The following PIGU variants were observed in gnomAD, a reference collection of about 807,000 sequenced individuals.
PIGU encodes GPI-anchor transamidase component PIGU.
PIGU carries 24 observed loss-of-function variants against 49.9 expected under a neutral mutation model. The observed-to-expected ratio is 0.48, with a 90% CI of 0.35 to 0.68. The LOEUF (loss-of-function observed/expected upper bound fraction) is 0.68, where lower values mean the gene tolerates loss of function less well. Ranked by LOEUF, PIGU falls within the 30% of genes least tolerant of loss-of-function variation. The pLI, the probability that PIGU is intolerant of heterozygous loss-of-function variation, is 0.01. For missense variants in PIGU, 490 were observed against 532.6 expected, an observed-to-expected ratio of 0.92 and a Z score of 0.79; for synonymous variants, 220 against 205.7, an observed-to-expected ratio of 1.07 and a Z score of -0.59.
At chr20:34,658,294 G>A (rs1986780967) in intron 1 of PIGU, among the ~76,000 whole-genome samples, 1 of 152,242 alleles carries the variant, frequency 6.6e-6, no homozygotes. Context: ...TTCACTCAGT[G>A]CTCAGTGGTG....
chr20:34,615,468 T>C (rs8120660), intron 7 of PIGU, among the ~76,000 whole-genome samples: 2 of 152,248 alleles, frequency 1.3e-5, no homozygotes, highest in South Asian at 2.1e-4. Context: ...TTTGCAAATA[T>C]GTAAAATAAA....
At chr20:34,569,888 C>T (rs760737583) in intron 11 of PIGU, among the ~76,000 whole-genome samples, 11 of 152,230 alleles carry the variant, frequency 7.2e-5, no homozygotes, top group Non-Finnish European at 1.2e-4. Flanking sequence ...ATGGAACCCA[C>T]AGTCTACTAA....
In PIGU at chr20:34,585,499, G is replaced by C; in HGVS notation, c.864C>G (p.Phe288Leu). The C allele has an allele frequency of 3.7e-6, 6 of 1,613,410 alleles. No individual in the cohort carries two copies. The highest frequency in any genetic ancestry group is 5.1e-6 in the Non-Finnish European group (6 of 1,179,292). Residue 288 changes from phenylalanine (F) to leucine (L), a missense_variant, in exon 9 of 12, where the codon TTC becomes TTG. Transcript: ENST00000217446. The stretch of plus-strand genomic sequence containing the variant: ...CGTTGATCTGAAACACACATACAAA[G>C]AAGAGGCTGAAGTGCTCAAACATCT... ...FAEMFEHFSLFFVCVFQINVF... is the reference protein window; with the variant it reads ...FAEMFEHFSLLFVCVFQINVF...
Position 34,622,550 on chromosome 20 carries a change from CAA to C in PIGU, c.530-6413_530-6412del, listed in dbSNP as rs572394544. On this transcript the variant is annotated intron_variant, in intron 6 of 11. Coordinates refer to ENST00000217446, the MANE Select transcript of PIGU (RefSeq NM_080476.5). ...CAAAAACAAAAAAAAAGTTACAATC[CAA>C]AAAGTCTCAGCAAGCAGGTAGGAGT... 1.3e-3 allele frequency among the ~76,000 whole-genome samples: 199 copies of C among 152,028 alleles called. 5 individuals are homozygous for C. In the South Asian group the frequency reaches 0.017, roughly 13 times the overall value.
chr20:34,588,328 G>A (rs1157289621), intron 8 of PIGU, 125 bp downstream of exon 8: 2 of 834,158 alleles, frequency 2.4e-6, no homozygotes, highest in Non-Finnish European at 1.7e-6. Context: ...TCTATTTTTA[G>A]TTGTTTGAGG....
At chr20:34,663,899 G>C (rs1277229652) in intron 1 of PIGU, among the ~76,000 whole-genome samples, 1 of 152,180 alleles carries the variant, frequency 6.6e-6, no homozygotes, top group African/African-American at 2.4e-5. Flanking sequence ...CTCTCCACTT[G>C]TCTGGTTTAA....
At chr20:34,585,410 A>G (rs1219207132) in intron 9 of PIGU, 27 bp downstream of exon 9, 3 of 1,612,146 alleles carry the variant, frequency 1.9e-6, no homozygotes, top group Non-Finnish European at 1.7e-6. Flanking sequence ...CTCTGTACAC[A>G]CAGCAGCAGC....
At chr20:34,561,333 C>G (rs1468573837) in intron 11 of PIGU, among the ~76,000 whole-genome samples, 4 of 152,192 alleles carry the variant, frequency 2.6e-5, no homozygotes, top group African/African-American at 9.7e-5. Context: ...CTCACCTTCC[C>G]TCTGTCAAAT....
chr20:34,565,030 G>T (rs1982684712), intron 11 of PIGU, among the ~76,000 whole-genome samples: 1 of 152,202 alleles, frequency 6.6e-6, no homozygotes, highest in African/African-American at 2.4e-5. Context: ...GGGCCGTGAG[G>T]AGAGCAGGGA....
intron 7 of PIGU, among the ~76,000 whole-genome samples, chr20:34,599,723 T>C (rs1984339326): frequency 6.6e-6 from 1 of 152,216 alleles, no homozygotes; most frequent in South Asian, 2.1e-4. Context: ...AACTCCATGA[T>C]AAAGACTTTA....
At chr20:34,657,044 CT>C in intron 2 of PIGU, 135 bp downstream of exon 2, 2 of 680,102 alleles carry the variant, frequency 2.9e-6, no homozygotes, top group Non-Finnish European at 5.0e-6. Flanking sequence ...CAGAGGACAT[CT>C]AAAAACGGGC....
chr20:34,640,675 G>A (rs1986131608), intron 4 of PIGU, among the ~76,000 whole-genome samples: 2 of 152,054 alleles, frequency 1.3e-5, no homozygotes, highest in African/African-American at 4.8e-5. Flanking sequence ...TGATGTGAAG[G>A]GTAGTGACCT....
At chr20:34,649,636 G>A (rs975122169) in intron 2 of PIGU, among the ~76,000 whole-genome samples, 5 of 147,554 alleles carry the variant, frequency 3.4e-5, no homozygotes, top group African/African-American at 5.0e-5. Flanking sequence ...CCAGGTTCAA[G>A]CGATTCTCCC....
At chr20:34,564,563 G>T (rs1479475037) in intron 11 of PIGU, among the ~76,000 whole-genome samples, 3 of 152,204 alleles carry the variant, frequency 2.0e-5, no homozygotes, top group African/African-American at 7.2e-5. Flanking sequence ...ATATTTTGCT[G>T]AGTGAAAGAG....
chr20:34,579,544 C>T (rs947646970), intron 10 of PIGU, among the ~76,000 whole-genome samples: 1 of 152,168 alleles, frequency 6.6e-6, no homozygotes, highest in Non-Finnish European at 1.5e-5. Flanking sequence ...TCCTAAGGAC[C>T]AGGGCTGATG....
At chr20:34,603,975 C>T (rs1054549166) in intron 7 of PIGU, among the ~76,000 whole-genome samples, 2 of 151,988 alleles carry the variant, frequency 1.3e-5, no homozygotes, top group African/African-American at 4.8e-5. Context: ...GAAGAGGGTA[C>T]GCTCTGCCTA....
chr20:34,665,192 A>ATTTTTTTTTTTT (rs1171497892), intron 1 of PIGU, among the ~76,000 whole-genome samples: 1 of 59,612 alleles, frequency 1.7e-5, no homozygotes, highest in African/African-American at 7.5e-5. Context: ...TGTATGGCCA[A>ATTTTTTTTTTTT]TTTTTTTTTT....
intron 4 of PIGU, among the ~76,000 whole-genome samples, chr20:34,639,932 AG>A (rs1986096217): frequency 6.6e-6 from 1 of 152,228 alleles, no homozygotes; most frequent in Non-Finnish European, 1.5e-5. Context: ...GTGCTTAGTG[AG>A]GACAGCTGCA....
At chr20:34,591,273 A>G (rs1311244055) in intron 7 of PIGU, among the ~76,000 whole-genome samples, 1 of 152,218 alleles carries the variant, frequency 6.6e-6, no homozygotes, top group African/African-American at 2.4e-5. Flanking sequence ...GTCTCAAAAT[A>G]TATAAAACAA....
Sources: allele counts gnomAD v4.1 joint callset (sites outside exome capture counted in the v4.1 genomes callset), GRCh38; gene constraint gnomAD v4.1.1; transcripts MANE v1.5; gene names NCBI Gene and HGNC (gene_info 2026-07-23, HGNC 2026-07-21).